The following C3 variants were observed in gnomAD, a reference collection of about 807,000 sequenced individuals.
The protein encoded by C3 is C3 and PZP-like alpha-2-macroglobulin domain-containing protein 1.
A neutral mutation model predicts 207.9 loss-of-function variants in C3; 97 were observed. That is an observed-to-expected ratio of 0.47 (90% CI 0.40 to 0.55). The LOEUF is 0.55. Ranked by LOEUF, C3 falls within the 20% of genes least tolerant of loss-of-function variation. C3 has a pLI of 0.00. For synonymous variants in C3, 848 were observed against 857.6 expected (o/e 0.99, Z 0.20); for missense variants, 1,684 against 2,171.7 (o/e 0.78, Z 4.46).
At chr19:6,698,663 C>T (rs904325610) in intron 19 of C3, among the ~76,000 whole-genome samples, 8 of 151,958 alleles carry the variant, frequency 5.3e-5, no homozygotes, top group African/African-American at 1.2e-4. Flanking sequence ...GAGCTATGAT[C>T]GCACCACTGT....
At chr19:6,700,908 G>A (rs942283092) in intron 19 of C3, among the ~76,000 whole-genome samples, 4 of 149,870 alleles carry the variant, frequency 2.7e-5, no homozygotes, top group Admixed American at 6.7e-5. Context: ...CTGGATGACC[G>A]AGTGAGACTC....
rs35034584 is a variant in C3, at chr19:6,687,860, C to CT, written c.3490-959dup. On this transcript the variant is annotated intron_variant, in intron 27 of 40. Transcript: ENST00000245907. Reference sequence around the variant, plus strand: ...TGGTTGGTTGGGTTTTTTGTTGTTGCTTTTTTTTTTTTTTGAGACGGAGTC... The same window carrying CT: ...TGGTTGGTTGGGTTTTTTGTTGTTGCTTTTTTTTTTTTTTTGAGACGGAGTC... Among the ~76,000 whole-genome samples, 817 of 140,234 alleles carry CT rather than the reference C, an allele frequency of 5.8e-3. 11 individuals are homozygous for CT. The highest frequency in any genetic ancestry group is 0.047 in the East Asian group (227 of 4,880). The allele number at this position is 140,234 out of a possible 152,430, so 92.0% of individuals were successfully genotyped here. A position where few individuals can be genotyped will look rare whatever the true frequency, so the allele number is the denominator to read the frequency against.
chr19:6,686,918 T>C lies in C3; in HGVS notation c.3490-16A>G. The C allele has an allele frequency of 6.2e-7, 1 of 1,614,028 alleles. No individual in the cohort carries two copies. The highest frequency in any genetic ancestry group is 8.5e-7 in the Non-Finnish European group (1 of 1,179,896). On this transcript the variant is annotated splice_polypyrimidine_tract_variant and intron_variant, in intron 27 of 40. Coordinates refer to ENST00000245907, the MANE Select transcript of C3 (RefSeq NM_000064.4). ...CTGGCAGGCTCTATGAGAAAGAGGA[T>C]CAGATTCTCCGGTCATGTGGGCATT...
chr19:6,697,076 A>ATT (rs71177114), intron 21 of C3, among the ~76,000 whole-genome samples: 5,052 of 112,620 alleles, frequency 0.045, 566 homozygotes, highest in African/African-American at 0.14. Flanking sequence ...AAATAAATAA[A>ATT]AAATTTCAAA....
intron 17 of C3, among the ~76,000 whole-genome samples, chr19:6,705,704 T>C (rs1362053226): frequency 6.6e-6 from 1 of 150,834 alleles, no homozygotes; most frequent in African/African-American, 2.4e-5. Context: ...AGACGGAGTC[T>C]TGCTCTGTTG....
chr19:6,710,186 G>GAA (rs202126932), intron 13 of C3, among the ~76,000 whole-genome samples: 1 of 114,698 alleles, frequency 8.7e-6, no homozygotes, highest in East Asian at 4.8e-4. Context: ...GAGAGGGAGA[G>GAA]AGAGAGGGAA....
chr19:6,696,569 C>T (rs765866376), intron 22 of C3, 24 bp downstream of exon 22: 10 of 1,612,526 alleles, frequency 6.2e-6, no homozygotes, highest in Non-Finnish European at 6.8e-6. Context: ...AGCCCCTCAG[C>T]CCCTCCCCCT....
chr19:6,692,715 C>T (rs1918197004), intron 26 of C3, among the ~76,000 whole-genome samples: 1 of 152,178 alleles, frequency 6.6e-6, no homozygotes, highest in Non-Finnish European at 1.5e-5. Flanking sequence ...CGTGTCTCTT[C>T]ATTTTGCGCT....
chr19:6,692,011 C>G (rs181247165), intron 26 of C3, among the ~76,000 whole-genome samples: 4 of 131,246 alleles, frequency 3.0e-5, no homozygotes, highest in Admixed American at 7.5e-5. Context: ...CACACACACA[C>G]ACACACACAC....
At chr19:6,716,523 A>G (rs992539775) in intron 4 of C3, 1 of 152,278 alleles carries the variant, frequency 6.6e-6, no homozygotes, top group African/African-American at 2.4e-5. Flanking sequence ...AGTGTGAGCC[A>G]CTGCACCTAG....
At chr19:6,709,619 A>ACCCCCCCCCCCC in intron 14 of C3, 65 bp downstream of exon 14, 4 of 432,314 alleles carry the variant, frequency 9.3e-6, no homozygotes, top group African/African-American at 4.6e-5. Context: ...AGTCCCACCC[A>ACCCCCCCCCCCC]CCTCCCCCAG....
Position 6,677,720 on chromosome 19 carries a change from C to T in C3, c.*162G>A, listed in dbSNP as rs1917743514. The T allele has an allele frequency of 2.3e-6, 2 of 883,978 alleles. No homozygotes were observed. The highest frequency in any genetic ancestry group is 1.7e-5 in the African/African-American group (1 of 59,464). The allele number at this position is 883,978 out of a possible 1,614,324, so 54.8% of individuals were successfully genotyped here. On this transcript the variant is annotated 3_prime_UTR_variant, in exon 41 of 41. Coordinates refer to ENST00000245907, the MANE Select transcript of C3 (RefSeq NM_000064.4). ...AGAAGTCAGCACACTAGCAGGCGAA[C>T]GCCAGGAGAAAATGCGGTGGGAACA... is the stretch of plus-strand genomic sequence containing the variant.
intron 4 of C3, among the ~76,000 whole-genome samples, chr19:6,715,536 TA>T (rs1968011236): frequency 2.0e-5 from 3 of 151,834 alleles, no homozygotes; most frequent in African/African-American, 4.8e-5. Context: ...TGTACAGAGG[TA>T]ACAGGGATCA....
rs766252333 is a variant in C3, at chr19:6,679,380, A to C, written c.4546+27T>G. ...GGGTAAGTGTGGCTTGCTCAGACCC[A>C]CCTGTTCCCGGCTCCAGGGAACTCA... On this transcript the variant is annotated intron_variant, in intron 37 of 40. Coordinates refer to ENST00000245907, the MANE Select transcript of C3 (RefSeq NM_000064.4). 6.3e-6 allele frequency: 10 copies of C among 1,584,468 alleles called. No homozygotes were observed. In the East Asian group the frequency reaches 2.2e-4, roughly 35 times the overall value.
In C3 at chr19:6,714,158, C is replaced by G; in HGVS notation, c.682+8G>C. 6.2e-7 allele frequency: 1 copy of G among 1,613,560 alleles called. No individual in the cohort carries two copies. On this transcript the variant is annotated splice_region_variant and intron_variant, in intron 6 of 40. Transcript: ENST00000245907. Reference sequence around the variant, plus strand: ...GCACTGACTCCCCCCAGCCCCTCCTCCTCTTACCGTACTCCTTCACCTCAA... The same window carrying G: ...GCACTGACTCCCCCCAGCCCCTCCTGCTCTTACCGTACTCCTTCACCTCAA...
At chr19:6,717,697 A>G in intron 4 of C3, 1 of 331,468 alleles carries the variant, frequency 3.0e-6, no homozygotes, top group Non-Finnish European at 5.6e-6. Context: ...TTTTGTGTGT[A>G]TTGCGTGGTT....
At chr19:6,693,384 A>G (rs1261725468) in intron 25 of C3, 28 bp downstream of exon 25, 4 of 1,595,304 alleles carry the variant, frequency 2.5e-6, no homozygotes, top group Non-Finnish European at 3.4e-6. Flanking sequence ...GGGAGTATGC[A>G]TGGCCTGAGC....
intron 31 of C3, 32 bp from the exon 32 acceptor site, chr19:6,684,682 G>GC: frequency 6.2e-7 from 1 of 1,601,592 alleles, no homozygotes; most frequent in Non-Finnish European, 8.6e-7. Flanking sequence ...CACAATGTCA[G>GC]CCCACAGGAC....
intron 13 of C3, among the ~76,000 whole-genome samples, chr19:6,710,111 G>T (rs1385102814): frequency 6.8e-6 from 1 of 146,612 alleles, no homozygotes; most frequent in Non-Finnish European, 1.5e-5. Context: ...GAGAGAGGGA[G>T]AGTGAGGGGG....
Sources: allele counts gnomAD v4.1 joint callset (sites outside exome capture counted in the v4.1 genomes callset), GRCh38; gene constraint gnomAD v4.1.1; transcripts MANE v1.5; gene names NCBI Gene and HGNC (gene_info 2026-07-23, HGNC 2026-07-21).